Variants in DHX32 observed in about 807,000 individuals in gnomAD.
The protein encoded by DHX32 is putative pre-mRNA-splicing factor ATP-dependent RNA helicase DHX32.
A neutral mutation model predicts 70.0 loss-of-function variants in DHX32; 51 were observed. The ratio of observed to expected loss-of-function variants is 0.73; its 90% CI spans 0.58 to 0.92. DHX32 has a LOEUF of 0.92. DHX32 is among the 40% of genes least tolerant of loss of function. DHX32 has a pLI of 0.00. For synonymous variants in DHX32, 310 were observed against 315.3 expected, an observed-to-expected ratio of 0.98 and a Z score of 0.18; for missense variants, 762 against 891.8, an observed-to-expected ratio of 0.85 and a Z score of 1.85.
At chr10:125,853,499 TA>T (rs1344452775) in intron 4 of DHX32, 3 of 235,864 alleles carry the variant, frequency 1.3e-5, no homozygotes, top group African/African-American at 6.8e-5. Context: ...CAAAATTTGC[TA>T]AAATTAAAGT....
At chr10:125,840,707 C>T (rs1202529799) in intron 8 of DHX32, 140 bp downstream of exon 8, 13 of 870,998 alleles carry the variant, frequency 1.5e-5, no homozygotes, top group African/African-American at 1.2e-4. Flanking sequence ...CCTGTGGGTG[C>T]GTTTAGGGCC....
In DHX32 at chr10:125,877,158, G is replaced by C. The variant is rs373283025; in HGVS notation, c.282+3385C>G. ...TATTTTTGCAACTTTTTGTAAGTTTGAAATTATTGTAAAATAAAAACACAT... is the reference window on the plus strand; with the variant it reads ...TATTTTTGCAACTTTTTGTAAGTTTCAAATTATTGTAAAATAAAAACACAT... On this transcript the variant is annotated intron_variant, in intron 1 of 10. Transcript: ENST00000284690. 4.6e-5 allele frequency among the ~76,000 whole-genome samples: 7 copies of C among 152,296 alleles called. No homozygotes were observed. In the East Asian group the frequency reaches 1.2e-3, roughly 25 times the overall value.
chr10:125,880,715 T>C lies in DHX32; in HGVS notation c.110A>G (p.Asp37Gly). 1 of 1,614,174 alleles carries C rather than the reference T, an allele frequency of 6.2e-7. No individual in the cohort carries two copies. The highest frequency in any genetic ancestry group is 8.5e-7 in the Non-Finnish European group (1 of 1,180,026). ...TCCATCAAAGGGGTTAAGTTCCAAATCCTCACAGGCCAAAACCTCTTCCTC... is the reference window on the plus strand; with the variant it reads ...TCCATCAAAGGGGTTAAGTTCCAAACCCTCACAGGCCAAAACCTCTTCCTC... Reference protein sequence around the residue: ...GDEEEVLACEDLELNPFDGLP... With the variant: ...GDEEEVLACEGLELNPFDGLP... Residue 37 changes from aspartate (D) to glycine (G), a missense_variant, in exon 1 of 11, where the codon GAT becomes GGT. Transcript: ENST00000284690.
At chr10:125,841,416 C>T (rs1854877399) in intron 7 of DHX32, 2 of 1,594,214 alleles carry the variant, frequency 1.3e-6, no homozygotes, top group Admixed American at 3.5e-5. Context: ...AACAGGCACA[C>T]AACATTATTT....
At chr10:125,877,684 T>A (rs1485948815) in intron 1 of DHX32, among the ~76,000 whole-genome samples, 1 of 152,036 alleles carries the variant, frequency 6.6e-6, no homozygotes, top group African/African-American at 2.4e-5. Flanking sequence ...AGCCTCTCTG[T>A]CTCAAAAAAT....
intron 8 of DHX32, among the ~76,000 whole-genome samples, chr10:125,839,492 C>T (rs1382469845): frequency 2.0e-5 from 3 of 152,158 alleles, no homozygotes; most frequent in Admixed American, 6.5e-5. Flanking sequence ...TTCACTAACC[C>T]GTGGCTCATA....
intron 3 of DHX32, among the ~76,000 whole-genome samples, chr10:125,857,549 A>C (rs1944156411): frequency 1.3e-5 from 2 of 152,164 alleles, no homozygotes; most frequent in African/African-American, 4.8e-5. Flanking sequence ...TCTTAATAGG[A>C]ATGCCTTTCC....
chr10:125,839,294 C>G, intron 8 of DHX32, 106 bp from the exon 9 acceptor site: 1 of 1,145,854 alleles, frequency 8.7e-7, no homozygotes, highest in Non-Finnish European at 1.2e-6. Context: ...TCCTCTCCTA[C>G]AAAGGAGGCC....
intron 1 of DHX32, among the ~76,000 whole-genome samples, chr10:125,891,942 T>C (rs1944373519): frequency 6.6e-6 from 1 of 152,184 alleles, no homozygotes; most frequent in Non-Finnish European, 1.5e-5. Flanking sequence ...ATCATCACAT[T>C]TTAACTTCAA....
intron 2 of DHX32, among the ~76,000 whole-genome samples, chr10:125,862,078 A>G (rs994788407): frequency 2.6e-5 from 4 of 152,214 alleles, no homozygotes; most frequent in African/African-American, 9.6e-5. Context: ...TATAAATGAG[A>G]AAACTGAAGG....
chr10:125,869,505 G>A (rs1382508703), intron 1 of DHX32: 1 of 152,304 alleles, frequency 6.6e-6, no homozygotes, highest in Non-Finnish European at 1.5e-5. Flanking sequence ...AAACCTGGCA[G>A]GCAGAGGTTG....
intron 1 of DHX32, among the ~76,000 whole-genome samples, chr10:125,895,424 C>T (rs1316335178): frequency 1.3e-5 from 2 of 152,256 alleles, no homozygotes. Flanking sequence ...GCCCCCCACA[C>T]CCTTAATGCC....
chr10:125,877,991 G>A (rs765568977), intron 1 of DHX32, among the ~76,000 whole-genome samples: 12 of 152,092 alleles, frequency 7.9e-5, no homozygotes, highest in Admixed American at 4.6e-4. Context: ...CTTACATCGC[G>A]AGAATCTAGA....
In DHX32 at chr10:125,836,454, ATGAG is replaced by A; in HGVS notation, c.*229_*232del. Reference sequence around the variant, plus strand: ...AGTTTTTTAAAATTTTGGTCAAATTATGAGTGGTTGATTTAAAAACTTTTCCAAG... The same window carrying A: ...AGTTTTTTAAAATTTTGGTCAAATTATGGTTGATTTAAAAACTTTTCCAAG... On this transcript the variant is annotated 3_prime_UTR_variant, in exon 11 of 11. Transcript: ENST00000284690. 1 of 1,417,962 alleles carries A rather than the reference ATGAG, an allele frequency of 7.1e-7. No homozygotes were observed. The allele number at this position is 1,417,962 out of a possible 1,614,324, so 87.8% of individuals were successfully genotyped here.
rs182403412 is a variant in DHX32 at position 125,852,287 on chromosome 10, G to A, written c.1351+6C>T. On this transcript the variant is annotated splice_donor_region_variant and intron_variant, in intron 6 of 10. Transcript: ENST00000284690. ...ATGCCTGGCTGACATGGGAGCATAA[G>A]GCTACCTGGTCTGTTCATGAAGTCA... is the stretch of plus-strand genomic sequence containing the variant. 9,592 of 1,613,048 alleles carry A rather than the reference G, an allele frequency of 5.9e-3. 49 individuals carry two copies. The highest frequency in any genetic ancestry group is 7.2e-3 in the Non-Finnish European group (8,458 of 1,179,356).
chr10:125,877,225 CTCAG>C (rs776402792), intron 1 of DHX32, among the ~76,000 whole-genome samples: 70 of 152,266 alleles, frequency 4.6e-4, no homozygotes, highest in Admixed American at 2.4e-3. Context: ...GAAAATTATA[CTCAG>C]TCAGTTCTCA....
chr10:125,896,174 G>C (rs1356183786), intron 1 of DHX32: 1 of 161,252 alleles, frequency 6.2e-6, no homozygotes, highest in African/African-American at 2.4e-5. Context: ...GCCCGCCCCT[G>C]CGCCGACCCC....
intron 6 of DHX32, among the ~76,000 whole-genome samples, chr10:125,843,003 A>G (rs1194507245): frequency 6.6e-6 from 1 of 152,088 alleles, no homozygotes; most frequent in Non-Finnish European, 1.5e-5. Context: ...GGCAAAAACC[A>G]CAATTATTTT....
chr10:125,890,623 T>C (rs1779527585), intron 1 of DHX32: 1 of 152,336 alleles, frequency 6.6e-6, no homozygotes, highest in African/African-American at 2.4e-5. Flanking sequence ...TATACAATAT[T>C]ATATTAATAA....
Sources: gnomAD v4.1 joint callset for allele counts (sites outside exome capture counted in the v4.1 genomes callset) on GRCh38, gnomAD v4.1.1 for gene constraint, MANE v1.5 for transcripts, NCBI Gene and HGNC (gene_info 2026-07-23, HGNC 2026-07-21) for gene names.